Variants in LPP observed in about 807,000 individuals in gnomAD.
LPP encodes the protein LIM domain containing preferred translocation partner in lipoma, also known as lipoma-preferred partner.
LPP carries 38 observed loss-of-function variants against 60.4 expected under a neutral mutation model. That is an observed-to-expected ratio of 0.63 (90% CI 0.49 to 0.83). LPP has a LOEUF of 0.83. Among genes scored for constraint, LPP ranks in the 40% least tolerant of loss-of-function variants. The probability of loss-of-function intolerance (pLI) is 0.00; values close to 1 mark genes in which losing one functional copy is unlikely to be tolerated. For synonymous variants in LPP, 328 were observed against 290.8 expected (o/e 1.13, Z -1.30); for missense variants, 902 against 783.6 (o/e 1.15, Z -1.80).
At chr3:188,763,687 C>T (rs1165866755) in intron 9 of LPP, among the ~76,000 whole-genome samples, 1 of 151,918 alleles carries the variant, frequency 6.6e-6, no homozygotes, top group East Asian at 1.9e-4. Context: ...AGATTTTTAT[C>T]TGTTTAGTTT....
At chr3:188,825,311 G>GTGTGTC in intron 9 of LPP, among the ~76,000 whole-genome samples, 1 of 146,318 alleles carries the variant, frequency 6.8e-6, no homozygotes, top group Middle Eastern at 3.4e-3. Context: ...GTGTGTGTGT[G>GTGTGTC]TGTGTAGGAT....
At chr3:188,493,948 GACTTATAAATGCTCTATAAA>G (rs1269607805) in intron 5 of LPP, among the ~76,000 whole-genome samples, 3 of 152,032 alleles carry the variant, frequency 2.0e-5, no homozygotes, top group African/African-American at 4.8e-5. Flanking sequence ...GTCTGCTTTT[GACTTATAAATGCTCTATAAA>G]ACTGAATTTG....
intron 7 of LPP, among the ~76,000 whole-genome samples, chr3:188,636,541 G>A (rs1029384235): frequency 6.6e-6 from 1 of 152,156 alleles, no homozygotes; most frequent in Non-Finnish European, 1.5e-5. Flanking sequence ...GCTCGAACTG[G>A]GGGGAGCCCA....
chr3:188,713,719 A>C (rs1712595568), intron 8 of LPP, among the ~76,000 whole-genome samples: 1 of 152,164 alleles, frequency 6.6e-6, no homozygotes, highest in Admixed American at 6.5e-5. Flanking sequence ...ACAGCTAGAG[A>C]TGCTATAACT....
intron 4 of LPP, among the ~76,000 whole-genome samples, chr3:188,448,392 A>G (rs1021376764): frequency 1.3e-4 from 1 of 7,682 alleles, no homozygotes; most frequent in Non-Finnish European, 5.6e-4. Context: ...ATATTGAGAT[A>G]TCTATATTTA....
chr3:188,507,387 T>C (rs1813845186), intron 5 of LPP, among the ~76,000 whole-genome samples: 1 of 152,174 alleles, frequency 6.6e-6, no homozygotes, highest in Non-Finnish European at 1.5e-5. Context: ...TTGCTACTGT[T>C]TGGAAAGTAC....
chr3:188,214,025 T>G (rs1374706755), intron 1 of LPP, among the ~76,000 whole-genome samples: 1 of 141,398 alleles, frequency 7.1e-6, no homozygotes, highest in Non-Finnish European at 1.5e-5. Flanking sequence ...CAAAGCAGGA[T>G]AGAGACCCAG....
At chr3:188,458,895 A>G (rs1798363163) in intron 4 of LPP, among the ~76,000 whole-genome samples, 1 of 150,772 alleles carries the variant, frequency 6.6e-6, no homozygotes, top group South Asian at 2.1e-4. Context: ...TGGAAGTAGG[A>G]TTGGTTTGGG....
chr3:188,234,276 C>T (rs1721117249), intron 2 of LPP, among the ~76,000 whole-genome samples: 1 of 152,082 alleles, frequency 6.6e-6, no homozygotes, highest in African/African-American at 2.4e-5. Flanking sequence ...TCAGTCATGG[C>T]TCATCTTTGT....
chr3:188,239,091 G>C (rs1034964352), intron 2 of LPP, among the ~76,000 whole-genome samples: 1 of 152,240 alleles, frequency 6.6e-6, no homozygotes, highest in Non-Finnish European at 1.5e-5. Flanking sequence ...CACTGGATCA[G>C]GAGCAGGATG....
At chr3:188,341,528 G>A (rs1174272834) in intron 2 of LPP, 135 bp from the exon 3 acceptor site, 2 of 175,706 alleles carry the variant, frequency 1.1e-5, no homozygotes, top group African/African-American at 4.8e-5. Context: ...GGGTTCCTGT[G>A]GGGTGCAATG....
intron 2 of LPP, among the ~76,000 whole-genome samples, chr3:188,240,700 ACAT>A (rs1350688914): frequency 1.3e-5 from 2 of 152,180 alleles, no homozygotes; most frequent in African/African-American, 4.8e-5. Context: ...GTGGGATAAC[ACAT>A]CAACCTTCTT....
chr3:188,288,449 A>AGGCAGTT (rs1299962642), intron 2 of LPP, among the ~76,000 whole-genome samples: 2 of 152,132 alleles, frequency 1.3e-5, no homozygotes, highest in Non-Finnish European at 2.9e-5. Flanking sequence ...GTTCCAGATG[A>AGGCAGTT]GGCAGTTGAG....
chr3:188,807,274 C>G (rs1446304264), intron 9 of LPP, among the ~76,000 whole-genome samples: 1 of 151,816 alleles, frequency 6.6e-6, no homozygotes, highest in Non-Finnish European at 1.5e-5. Flanking sequence ...TATCCTTTGT[C>G]TCTTTTCTAA....
chr3:188,527,199 A>G (rs1163109744), intron 6 of LPP, among the ~76,000 whole-genome samples: 2 of 152,004 alleles, frequency 1.3e-5, no homozygotes, highest in East Asian at 1.9e-4. Context: ...AAAATACAAA[A>G]AATAGCTGTG....
chr3:188,338,424 T>C (rs1472660846), intron 2 of LPP, among the ~76,000 whole-genome samples: 4 of 152,228 alleles, frequency 2.6e-5, no homozygotes, highest in Admixed American at 2.0e-4. Context: ...TTTTAATAAA[T>C]GTTAGGTTAA....
At chr3:188,628,367 G>T (rs1847240356) in intron 7 of LPP, among the ~76,000 whole-genome samples, 1 of 150,924 alleles carries the variant, frequency 6.6e-6, no homozygotes, top group Non-Finnish European at 1.5e-5. Context: ...GATTAATAAA[G>T]AACAAACAAA....
intron 9 of LPP, among the ~76,000 whole-genome samples, chr3:188,761,283 G>C (rs955445870): frequency 1.3e-5 from 2 of 152,204 alleles, no homozygotes; most frequent in African/African-American, 4.8e-5. Context: ...TTTTTGGCCT[G>C]GTTGGTATTT....
chr3:188,189,916 G>A (rs1255277646), intron 1 of LPP, among the ~76,000 whole-genome samples: 1 of 152,002 alleles, frequency 6.6e-6, no homozygotes, highest in African/African-American at 2.4e-5. Context: ...AGGAGGTATT[G>A]GGGGACAGGG....
Sources: allele counts gnomAD v4.1 joint callset (sites outside exome capture counted in the v4.1 genomes callset), GRCh38; gene constraint gnomAD v4.1.1; transcripts MANE v1.5; gene names NCBI Gene and HGNC (gene_info 2026-07-23, HGNC 2026-07-21).